Variants in GPC5 observed in about 807,000 individuals in gnomAD.
GPC5 encodes glypican-5.
Under a neutral mutation model 53.9 loss-of-function variants are expected in GPC5, and 47 were observed. That is an observed-to-expected ratio of 0.87 (90% CI 0.69 to 1.11). GPC5 has a LOEUF of 1.11. GPC5 is among the 50% of genes most tolerant of loss of function. The probability of loss-of-function intolerance (pLI) is 0.00; values close to 1 mark genes in which losing one functional copy is unlikely to be tolerated. For missense variants in GPC5, 748 were observed against 713.1 expected (o/e 1.05, Z -0.56); for synonymous variants, 286 against 263.3 (o/e 1.09, Z -0.84).
chr13:92,647,575 T>C (rs927028152), intron 7 of GPC5, among the ~76,000 whole-genome samples: 3 of 152,164 alleles, frequency 2.0e-5, no homozygotes, highest in Admixed American at 6.5e-5. Context: ...GAAAATCTCA[T>C]GAGATAATCA....
chr13:92,663,493 C>T (rs1566350377), intron 7 of GPC5, among the ~76,000 whole-genome samples: 3 of 150,152 alleles, frequency 2.0e-5, no homozygotes, highest in Non-Finnish European at 3.0e-5. Flanking sequence ...AATCTCAGCA[C>T]TTTGGGAGGC....
intron 2 of GPC5, among the ~76,000 whole-genome samples, chr13:91,634,568 G>A (rs1009106763): frequency 7.9e-5 from 12 of 151,984 alleles, no homozygotes; most frequent in Admixed American, 4.6e-4. Flanking sequence ...TCACTCTTCC[G>A]ATCAAGTACG....
intron 7 of GPC5, among the ~76,000 whole-genome samples, chr13:92,185,433 G>A (rs748822334): frequency 6.6e-6 from 1 of 152,004 alleles, no homozygotes; most frequent in Non-Finnish European, 1.5e-5. Flanking sequence ...TCCACTATGG[G>A]CAATGCCTCA....
At chr13:92,785,103 CT>C (rs1876169394) in intron 7 of GPC5, among the ~76,000 whole-genome samples, 1 of 152,066 alleles carries the variant, frequency 6.6e-6, no homozygotes, top group Admixed American at 6.6e-5. Flanking sequence ...TGATGAAACC[CT>C]GTCTCTACTT....
Position 92,858,578 on chromosome 13 carries a change from T to C in GPC5, c.1562-7704T>C, listed in dbSNP as rs73630982. The stretch of plus-strand genomic sequence containing the variant: ...CAGAAACAGGAAATCAAATATCACA[T>C]GTTCTTAGTTAACAGTGAGAGTTAA... On this transcript the variant is annotated intron_variant, in intron 7 of 7. Transcript: ENST00000377067. Among the ~76,000 whole-genome samples, 1,122 of 152,228 alleles carry C rather than the reference T, an allele frequency of 7.4e-3. 17 individuals are homozygous for C. The highest frequency in any genetic ancestry group is 0.026 in the African/African-American group (1,066 of 41,540).
At chr13:92,480,248 T>C (rs753838322) in intron 7 of GPC5, among the ~76,000 whole-genome samples, 4 of 151,850 alleles carry the variant, frequency 2.6e-5, no homozygotes, top group Non-Finnish European at 2.9e-5. Context: ...TTGTATGGAG[T>C]TCAGTGCAGA....
chr13:92,500,849 A>G (rs191810581), intron 7 of GPC5, among the ~76,000 whole-genome samples: 51 of 152,272 alleles, frequency 3.3e-4, no homozygotes, highest in Admixed American at 2.0e-3. Flanking sequence ...AGATAAATAA[A>G]TCCGCTGCTT....
intron 6 of GPC5, among the ~76,000 whole-genome samples, chr13:91,970,306 A>C (rs1676883704): frequency 2.0e-5 from 3 of 152,066 alleles, no homozygotes; most frequent in South Asian, 4.2e-4. Context: ...GAATGGGGAG[A>C]TATTGGCAAA....
intron 5 of GPC5, among the ~76,000 whole-genome samples, chr13:91,805,326 C>T (rs1035498160): frequency 2.0e-5 from 3 of 152,112 alleles, no homozygotes; most frequent in African/African-American, 7.2e-5. Flanking sequence ...AGAAGCTTTG[C>T]TGTTTCTTTG....
chr13:92,523,717 A>G lies in GPC5; in HGVS notation c.1562-342565A>G, dbSNP rs1287679673. On this transcript the variant is annotated intron_variant, in intron 7 of 7. Transcript: ENST00000377067. Reference sequence around the variant, plus strand: ...AATCAACCAACCACATTTCAACAAAACCTTTTGTATTATAGTATCAATACT... The same window carrying G: ...AATCAACCAACCACATTTCAACAAAGCCTTTTGTATTATAGTATCAATACT... Among the ~76,000 whole-genome samples, 3 of 152,034 alleles carry G rather than the reference A, an allele frequency of 2.0e-5. No homozygotes were observed. In the East Asian group the frequency reaches 5.8e-4, roughly 29 times the overall value.
At chr13:92,461,245 T>C (rs1878466255) in intron 7 of GPC5, among the ~76,000 whole-genome samples, 1 of 152,182 alleles carries the variant, frequency 6.6e-6, no homozygotes, top group Non-Finnish European at 1.5e-5. Context: ...GAAAAATTCA[T>C]TAATTGATTC....
At chr13:91,704,597 C>T (rs973248950) in intron 3 of GPC5, among the ~76,000 whole-genome samples, 7 of 152,230 alleles carry the variant, frequency 4.6e-5, no homozygotes, top group Non-Finnish European at 7.3e-5. Flanking sequence ...CCACAGAGTA[C>T]CATTGTGAGC....
intron 7 of GPC5, among the ~76,000 whole-genome samples, chr13:92,282,299 T>C (rs879474490): frequency 2.0e-5 from 3 of 152,040 alleles, no homozygotes; most frequent in Non-Finnish European, 4.4e-5. Flanking sequence ...ACGGGGAGAA[T>C]GGAACCAAGT....
At chr13:91,659,162 A>G (rs562057411) in intron 2 of GPC5, among the ~76,000 whole-genome samples, 9 of 152,328 alleles carry the variant, frequency 5.9e-5, no homozygotes, top group Non-Finnish European at 1.0e-4. Flanking sequence ...AATTGCCAGT[A>G]CTTCATATAT....
intron 5 of GPC5, among the ~76,000 whole-genome samples, chr13:91,812,645 A>C (rs576822097): frequency 6.6e-6 from 1 of 152,282 alleles, no homozygotes; most frequent in South Asian, 2.1e-4. Flanking sequence ...TGTTTGGTAT[A>C]TTCTTCAGTA....
At chr13:91,732,711 A>T (rs1454810869) in intron 4 of GPC5, among the ~76,000 whole-genome samples, 1 of 152,110 alleles carries the variant, frequency 6.6e-6, no homozygotes, top group Non-Finnish European at 1.5e-5. Flanking sequence ...GGGTGTAAGG[A>T]AGGGGTCCAG....
intron 7 of GPC5, among the ~76,000 whole-genome samples, chr13:92,296,789 A>G (rs544405475): frequency 6.6e-5 from 10 of 152,304 alleles, no homozygotes; most frequent in South Asian, 4.1e-4. Flanking sequence ...GCCCCGGGCA[A>G]TGAGGGACTT....
At chr13:92,466,640 C>A (rs1878702482) in intron 7 of GPC5, among the ~76,000 whole-genome samples, 1 of 151,960 alleles carries the variant, frequency 6.6e-6, no homozygotes, top group Non-Finnish European at 1.5e-5. Flanking sequence ...ATAATTAGGG[C>A]TTTTGACCAT....
At chr13:92,589,717 G>C (rs948601695) in intron 7 of GPC5, among the ~76,000 whole-genome samples, 6 of 152,130 alleles carry the variant, frequency 3.9e-5, no homozygotes, top group African/African-American at 1.4e-4. Context: ...ACCCAATCAA[G>C]TTATTTTACT....
Sources: allele counts gnomAD v4.1 joint callset (sites outside exome capture counted in the v4.1 genomes callset), GRCh38; gene constraint gnomAD v4.1.1; transcripts MANE v1.5; gene names NCBI Gene and HGNC (gene_info 2026-07-23, HGNC 2026-07-21).